Variants in COL16A1 observed in about 807,000 individuals in gnomAD.
COL16A1 encodes collagen type XVI alpha 1 chain.
In COL16A1, 189 loss-of-function variants were observed where a neutral mutation model predicts 266.3. That is an observed-to-expected ratio of 0.71 (90% confidence interval 0.63 to 0.80). COL16A1 has a LOEUF of 0.80. Among genes scored for constraint, COL16A1 ranks in the 30% least tolerant of loss-of-function variants. The probability of loss-of-function intolerance (pLI) is 0.00; values close to 1 mark genes in which losing one functional copy is unlikely to be tolerated. For missense variants in COL16A1, 1,928 were observed against 2,122.4 expected, an observed-to-expected ratio of 0.91 and a Z score of 1.80; for synonymous variants, 740 against 782.3, an observed-to-expected ratio of 0.95 and a Z score of 0.90.
At position 31,697,975 on chromosome 1, in the gene COL16A1, G is replaced by A. The variant is rs756319253; in HGVS notation, c.588C>T (p.Pro196=). The change falls in exon 6 of 71, where the codon CCC becomes CCT. Residue 196 remains proline (P), a synonymous_variant. Coordinates refer to ENST00000373672, the MANE Select transcript of COL16A1 (RefSeq NM_001856.4). This position sits in a 1 kb window ranked among gnomAD's most constrained non-coding sequence, Gnocchi z 4.2. ...GGCCCACAGGCCTCATGGGTCGTCGGGGCCCCAGAGGCTGGGAGGAGGCTG... is the reference window on the plus strand; with the variant it reads ...GGCCCACAGGCCTCATGGGTCGTCGAGGCCCCAGAGGCTGGGAGGAGGCTG... ...CSSASSQPLG[P]RRPMRPVGHV... is the part of the protein sequence containing the mutation. 1.9e-6 allele frequency: 3 copies of A among 1,613,470 alleles called. 1 individual carries two copies. The South Asian group carries it at 3.3e-5, about 18-fold the overall frequency.
At chr1:31,692,421 G>T in intron 16 of COL16A1, 53 bp downstream of exon 16, 1 of 1,581,468 alleles carries the variant, frequency 6.3e-7, no homozygotes, top group Non-Finnish European at 8.6e-7. Flanking sequence ...CCTCATGGCT[G>T]TAGAGCCTGC....
chr1:31,673,381 G>A (rs1434377999), intron 44 of COL16A1, among the ~76,000 whole-genome samples: 1 of 152,224 alleles, frequency 6.6e-6, no homozygotes, highest in Non-Finnish European at 1.5e-5. Context: ...TTGGGTCACA[G>A]ACCCCTCTGA....
intron 44 of COL16A1, chr1:31,673,212 G>A (rs965618900): frequency 9.1e-5 from 31 of 341,820 alleles, no homozygotes; most frequent in East Asian, 3.1e-4. Flanking sequence ...GGCTGGCTCC[G>A]AACGCCAGCT....
rs780368644 is a variant in COL16A1 at position 31,652,720 on chromosome 1, G to C, written c.4746C>G (p.Asp1582Glu). The C allele has an allele frequency of 1.2e-6, 2 of 1,608,378 alleles. No individual in the cohort carries two copies. The highest frequency in any genetic ancestry group is 1.7e-6 in the Non-Finnish European group (2 of 1,178,404). The change falls in exon 71 of 71, where the codon GAC (aspartate) becomes GAG (glutamate). Residue 1582 changes from aspartate (D) to glutamate (E), a missense_variant. Physicochemically the swap from Asp to Glu is conservative, Grantham distance 45 (BLOSUM62 2). Coordinates refer to ENST00000373672, the MANE Select transcript of COL16A1 (RefSeq NM_001856.4). The surrounding 1 kb of genome is among the most constrained non-coding windows in gnomAD (Gnocchi z 4.8). ...PGKAGHCNPS[D>E]CFGAMPMEQQ... ...GCTCCATCGGCATGGCCCCAAAGCAGTCAGAGGGATTACAGTGGCCAGCCT... is the reference window on the plus strand; with the variant it reads ...GCTCCATCGGCATGGCCCCAAAGCACTCAGAGGGATTACAGTGGCCAGCCT...
intron 56 of COL16A1, 156 bp from the exon 57 acceptor site, chr1:31,662,814 A>C: frequency 2.9e-6 from 2 of 696,522 alleles, no homozygotes; most frequent in Non-Finnish European, 4.7e-6. Context: ...CTAACTGCAT[A>C]TGTGCCACAC....
In COL16A1 at chr1:31,699,681, G is replaced by C. The variant is rs574475499; in HGVS notation, c.266+132C>G. ...CTGCAAGCCCAGGGGTGGAGACCAGGTTGACTCCTGGCAGGGGCTGGGATG... is the reference window on the plus strand; with the variant it reads ...CTGCAAGCCCAGGGGTGGAGACCAGCTTGACTCCTGGCAGGGGCTGGGATG... On this transcript the variant is annotated intron_variant, in intron 4 of 70. Transcript: ENST00000373672. The C allele has an allele frequency of 1.7e-4, 112 of 678,046 alleles. No homozygotes were observed. The African/African-American group carries it at 1.8e-3, about 11-fold the overall frequency. 42.0% of individuals were successfully genotyped at this position (678,046 alleles called of 1,614,324 possible). A position where few individuals can be genotyped will look rare whatever the true frequency, so the allele number is the denominator to read the frequency against.
chr1:31,695,089 C>G lies in COL16A1; in HGVS notation c.981+97G>C, dbSNP rs943768042. 2.4e-6 allele frequency: 3 copies of G among 1,267,482 alleles called. No individual in the cohort carries two copies. In the African/African-American group the frequency reaches 4.4e-5, roughly 19 times the overall value. 78.5% of individuals were successfully genotyped at this position (1,267,482 alleles called of 1,614,324 possible). On this transcript the variant is annotated intron_variant, in intron 11 of 70. Transcript: ENST00000373672. ...AGCGAGTGTGAAAGTGTACAAAGACCCCCTTGTCCTCACCCAGGAGGCTGC... is the reference window on the plus strand; with the variant it reads ...AGCGAGTGTGAAAGTGTACAAAGACGCCCTTGTCCTCACCCAGGAGGCTGC...
intron 17 of COL16A1, 120 bp downstream of exon 17, chr1:31,691,885 G>A: frequency 6.6e-7 from 1 of 1,504,408 alleles, no homozygotes. Context: ...GCCTCCTGTG[G>A]CACAGCCCCT....
chr1:31,653,554 C>T, intron 70 of COL16A1, 45 bp downstream of exon 70: 1 of 1,575,450 alleles, frequency 6.3e-7, no homozygotes, highest in Non-Finnish European at 8.6e-7. Context: ...GAAAAGGGGT[C>T]TCTGCTGCTC....
In COL16A1 at chr1:31,652,945, G is replaced by C. The variant is rs1570308839; in HGVS notation, c.4613-92C>G. On this transcript the variant is annotated intron_variant, in intron 70 of 70. Transcript: ENST00000373672. This position sits in a 1 kb window ranked among gnomAD's most constrained non-coding sequence, Gnocchi z 4.8. ...TGGCATCAAATAATACCTTACATTTGATGACTGTTTCTCAAGTTACCACAT... is the reference window on the plus strand; with the variant it reads ...TGGCATCAAATAATACCTTACATTTCATGACTGTTTCTCAAGTTACCACAT... 1 of 1,244,836 alleles carries C rather than the reference G, an allele frequency of 8.0e-7. No individual in the cohort carries two copies. Among genetic ancestry groups the C allele is most frequent in the East Asian group, 2.9e-5 (1 of 34,844 alleles). 77.1% of individuals were successfully genotyped at this position (1,244,836 alleles called of 1,614,324 possible). A position where few individuals can be genotyped will look rare whatever the true frequency, so the allele number is the denominator to read the frequency against.
chr1:31,663,738 A>T lies in COL16A1; in HGVS notation c.3556-1080T>A, dbSNP rs1182403001. Among the ~76,000 whole-genome samples, 1 of 152,236 alleles carries T rather than the reference A, an allele frequency of 6.6e-6. No individual in the cohort carries two copies. The highest frequency in any genetic ancestry group is 2.4e-5 in the African/African-American group (1 of 41,450). On this transcript the variant is annotated intron_variant, in intron 56 of 70. Coordinates refer to ENST00000373672, the MANE Select transcript of COL16A1 (RefSeq NM_001856.4). The surrounding 1 kb of genome is among the most constrained non-coding windows in gnomAD (Gnocchi z 4.9). ...TATGTGATAAAAAGACTCTGGGACT[A>T]CAAAATAAAGTCTGAAAACCCCTGC... is the stretch of plus-strand genomic sequence containing the variant.
Position 31,697,184 on chromosome 1 carries a change from T to C in COL16A1, c.738+36A>G, listed in dbSNP as rs1259796854. 1.2e-6 allele frequency: 2 copies of C among 1,612,866 alleles called. No homozygotes were observed. The highest frequency in any genetic ancestry group is 1.7e-5 in the Admixed American group (1 of 59,912). ...TTCCAGACCCTCATCTCCAGCACAGTGTGTCCCTGGGCAGCCCAAGGGCCG... is the reference window on the plus strand; with the variant it reads ...TTCCAGACCCTCATCTCCAGCACAGCGTGTCCCTGGGCAGCCCAAGGGCCG... On this transcript the variant is annotated intron_variant, in intron 7 of 70. Coordinates refer to ENST00000373672, the MANE Select transcript of COL16A1 (RefSeq NM_001856.4). This position sits in a 1 kb window ranked among gnomAD's most constrained non-coding sequence, Gnocchi z 4.2.
In COL16A1 at chr1:31,660,641, G is replaced by A; in HGVS notation, c.3826-3C>T. 1 of 1,614,042 alleles carries A rather than the reference G, an allele frequency of 6.2e-7. No individual in the cohort carries two copies. Among genetic ancestry groups the A allele is most frequent in the Non-Finnish European group, 8.5e-7 (1 of 1,179,936 alleles). On this transcript the variant is annotated splice_region_variant and splice_polypyrimidine_tract_variant and intron_variant, in intron 61 of 70. Coordinates refer to ENST00000373672, the MANE Select transcript of COL16A1 (RefSeq NM_001856.4). ...GGTCCCATGGCACCAGGTTCACCCT[G>A]CAGGAGCCAGAAAAAGGAAAAAATG...
chr1:31,700,484 G>A (rs1644685889), intron 2 of COL16A1, among the ~76,000 whole-genome samples: 1 of 152,232 alleles, frequency 6.6e-6, no homozygotes, highest in South Asian at 2.1e-4. Context: ...AGATGGAGTG[G>A]GGAGCTGTGT....
intron 58 of COL16A1, 153 bp from the exon 59 acceptor site, chr1:31,661,857 C>A: frequency 1.3e-6 from 1 of 800,000 alleles, no homozygotes; most frequent in Admixed American, 3.0e-5. Context: ...GGCTGTGGAT[C>A]CTCAGTGACT....
chr1:31,680,490 A>C (rs1643552085), intron 39 of COL16A1, among the ~76,000 whole-genome samples: 1 of 152,108 alleles, frequency 6.6e-6, no homozygotes, highest in Non-Finnish European at 1.5e-5. Flanking sequence ...CCTGGCTTCC[A>C]TGCCCTTCGC....
chr1:31,655,617 C>T, intron 66 of COL16A1, 115 bp from the exon 67 acceptor site: 1 of 1,523,336 alleles, frequency 6.6e-7, no homozygotes, highest in Non-Finnish European at 8.8e-7. Context: ...ACTGTGGCCA[C>T]AGCATCCTGA....
chr1:31,656,363 G>A lies in COL16A1; in HGVS notation c.4101+37C>T. The A allele has an allele frequency of 6.2e-7, 1 of 1,611,438 alleles. No individual in the cohort carries two copies. The highest frequency in any genetic ancestry group is 8.5e-7 in the Non-Finnish European group (1 of 1,179,038). The stretch of plus-strand genomic sequence containing the variant: ...TTGCAGCTGGGCTTCATCCACTCGT[G>A]AGCTTCTCCTCTCAAGCCCAGCCAG... On this transcript the variant is annotated intron_variant, in intron 66 of 70. Coordinates refer to ENST00000373672, the MANE Select transcript of COL16A1 (RefSeq NM_001856.4). The surrounding 1 kb of genome is among the most constrained non-coding windows in gnomAD (Gnocchi z 4.2).
intron 42 of COL16A1, chr1:31,679,304 G>A: frequency 9.0e-7 from 1 of 1,109,954 alleles, no homozygotes; most frequent in Non-Finnish European, 1.3e-6. Flanking sequence ...AAAAACACAT[G>A]TTGCATGAAT....
Sources: gnomAD v4.1 joint callset for allele counts (sites outside exome capture counted in the v4.1 genomes callset) on GRCh38, gnomAD v4.1.1 for gene constraint, Gnocchi (gnomAD v3.1) non-coding constraint, MANE v1.5 for transcripts, NCBI Gene and HGNC (gene_info 2026-07-23, HGNC 2026-07-21) for gene names.